Variants in CDH12 observed in about 807,000 individuals in gnomAD.
The protein encoded by CDH12 is cadherin-12.
CDH12 carries 41 observed loss-of-function variants against 74.1 expected under a neutral mutation model. That is an observed-to-expected ratio of 0.55 (90% CI 0.43 to 0.72). The LOEUF (loss-of-function observed/expected upper bound fraction) is 0.72. CDH12 is among the 30% of genes least tolerant of loss of function. CDH12 has a pLI of 0.00. For missense variants in CDH12, 945 were observed against 977.2 expected, an observed-to-expected ratio of 0.97 and a Z score of 0.44; for synonymous variants, 399 against 355.0, an observed-to-expected ratio of 1.12 and a Z score of -1.39.
chr5:22,441,460 C>T (rs1219129304), intron 2 of CDH12, among the ~76,000 whole-genome samples: 1 of 152,044 alleles, frequency 6.6e-6, no homozygotes, highest in Non-Finnish European at 1.5e-5. Context: ...CTTGACAATC[C>T]ATAAAGTTGC....
intron 5 of CDH12, among the ~76,000 whole-genome samples, chr5:22,028,957 A>T (rs925556952): frequency 6.6e-6 from 1 of 152,156 alleles, no homozygotes; most frequent in Non-Finnish European, 1.5e-5. Context: ...AAATAACGCC[A>T]CATATCTACA....
chr5:22,385,852 G>A (rs1464767901), intron 3 of CDH12, among the ~76,000 whole-genome samples: 1 of 151,360 alleles, frequency 6.6e-6, no homozygotes, highest in Non-Finnish European at 1.5e-5. Context: ...GCCAGAGCAG[G>A]AGAAAGGGAG....
At chr5:22,182,864 A>C (rs2150339046) in intron 4 of CDH12, among the ~76,000 whole-genome samples, 1 of 151,986 alleles carries the variant, frequency 6.6e-6, no homozygotes, top group Admixed American at 6.6e-5. Context: ...AACTGATTAG[A>C]GCTTATAGTG....
chr5:22,607,795 A>G (rs1249647723), intron 1 of CDH12, among the ~76,000 whole-genome samples: 6 of 152,240 alleles, frequency 3.9e-5, no homozygotes, highest in African/African-American at 1.4e-4. Flanking sequence ...AGGCCAACGT[A>G]CAGCTCAGGC....
intron 6 of CDH12, among the ~76,000 whole-genome samples, chr5:21,946,395 T>C (rs1755580704): frequency 6.6e-6 from 1 of 152,188 alleles, no homozygotes; most frequent in African/African-American, 2.4e-5. Context: ...CCATTTCTAA[T>C]AGTTGAAGCA....
At chr5:21,852,771 C>T (rs184004570) in intron 7 of CDH12, among the ~76,000 whole-genome samples, 1 of 151,430 alleles carries the variant, frequency 6.6e-6, no homozygotes, top group East Asian at 1.9e-4. Flanking sequence ...AATCTCTATA[C>T]ACCTACTTTT....
chr5:22,118,650 C>T (rs1333211797), intron 4 of CDH12, among the ~76,000 whole-genome samples: 2 of 151,950 alleles, frequency 1.3e-5, no homozygotes, highest in African/African-American at 4.8e-5. Context: ...TTCTGATTCT[C>T]CAGGATCCTA....
Position 22,272,680 on chromosome 5 carries a change from A to T in CDH12, c.-332-60037T>A, listed in dbSNP as rs1736451675. Among the ~76,000 whole-genome samples, 2 of 152,162 alleles carry T rather than the reference A, an allele frequency of 1.3e-5. 1 individual carries two copies. The highest frequency in any genetic ancestry group is 3.9e-4 in the East Asian group (2 of 5,190). ...TGGCCTCATTTCAATATTTTTGTGT[A>T]TCAGGTAATAGGGTTGCTCAAGGAA... On this transcript the variant is annotated intron_variant, in intron 3 of 14. Transcript: ENST00000382254.
intron 4 of CDH12, among the ~76,000 whole-genome samples, chr5:22,181,750 G>A (rs1025834664): frequency 2.0e-5 from 3 of 151,768 alleles, no homozygotes; most frequent in African/African-American, 7.3e-5. Flanking sequence ...CTAATTTCAG[G>A]GAATGGTAAT....
intron 3 of CDH12, among the ~76,000 whole-genome samples, chr5:22,299,216 A>G (rs534028211): frequency 6.6e-5 from 10 of 152,212 alleles, no homozygotes; most frequent in African/African-American, 2.4e-4. Context: ...TAAGGAACCC[A>G]ATGTAGTTAG....
rs1429405402 is a variant in CDH12 at position 22,058,529 on chromosome 5, G to A, written c.231+19917C>T. The stretch of plus-strand genomic sequence containing the variant: ...TCTTTAATGATACTGCTTTTAGAGG[G>A]ATCTAGTGTATTTTTGTATATAGAT... On this transcript the variant is annotated intron_variant, in intron 5 of 14. Coordinates refer to ENST00000382254, the MANE Select transcript of CDH12 (RefSeq NM_004061.5). Among the ~76,000 whole-genome samples the A allele has an allele frequency of 2.6e-5, 4 of 151,626 alleles. No homozygotes were observed. The East Asian group carries it at 7.8e-4, about 29-fold the overall frequency.
intron 1 of CDH12, among the ~76,000 whole-genome samples, chr5:22,568,407 C>A (rs1464040908): frequency 6.6e-6 from 1 of 152,152 alleles, no homozygotes; most frequent in Admixed American, 6.5e-5. Flanking sequence ...TATGTCTACA[C>A]TTGATGCCTC....
intron 6 of CDH12, among the ~76,000 whole-genome samples, chr5:21,914,932 T>C (rs894453525): frequency 7.9e-5 from 12 of 152,202 alleles, no homozygotes; most frequent in African/African-American, 2.9e-4. Context: ...TTGAACTATA[T>C]GATTAGTTCG....
At chr5:22,118,376 A>C (rs533172823) in intron 4 of CDH12, among the ~76,000 whole-genome samples, 1 of 152,190 alleles carries the variant, frequency 6.6e-6, no homozygotes, top group East Asian at 1.9e-4. Flanking sequence ...TATCTCGGAA[A>C]TATTCGTTGT....
intron 3 of CDH12, among the ~76,000 whole-genome samples, chr5:22,367,102 T>C (rs549615300): frequency 1.3e-5 from 2 of 152,328 alleles, no homozygotes; most frequent in East Asian, 1.9e-4. Context: ...TAAGTTCTTT[T>C]GGTTACTTGT....
intron 4 of CDH12, among the ~76,000 whole-genome samples, chr5:22,158,826 C>G (rs1359397946): frequency 1.3e-5 from 2 of 151,984 alleles, no homozygotes; most frequent in African/African-American, 2.4e-5. Context: ...GACAAATTAG[C>G]TCAGGTCATC....
intron 2 of CDH12, among the ~76,000 whole-genome samples, chr5:22,468,312 C>T (rs951617618): frequency 6.6e-6 from 1 of 152,162 alleles, no homozygotes; most frequent in African/African-American, 2.4e-5. Flanking sequence ...CTTTACATTC[C>T]TCACTTTAAG....
intron 4 of CDH12, among the ~76,000 whole-genome samples, chr5:22,104,030 G>A (rs1050934374): frequency 2.0e-5 from 3 of 152,154 alleles, no homozygotes; most frequent in South Asian, 2.1e-4. Flanking sequence ...CAAAGCAACA[G>A]TCTCTGGTGA....
chr5:21,762,779 T>C (rs1416234142), intron 12 of CDH12, among the ~76,000 whole-genome samples: 1 of 152,134 alleles, frequency 6.6e-6, no homozygotes, highest in Non-Finnish European at 1.5e-5. Context: ...AATGGAGCTC[T>C]ATTCCCAAAG....
Sources: allele counts gnomAD v4.1 joint callset (sites outside exome capture counted in the v4.1 genomes callset), GRCh38; gene constraint gnomAD v4.1.1; transcripts MANE v1.5; gene names NCBI Gene and HGNC (gene_info 2026-07-23, HGNC 2026-07-21).